Variants in HDAC9 observed in about 807,000 individuals in gnomAD.
HDAC9 encodes the protein MEF-2 interacting transcription repressor (MITR) protein.
HDAC9 carries 41 observed loss-of-function variants against 139.4 expected under a neutral mutation model. That is an observed-to-expected ratio of 0.29 (90% confidence interval 0.23 to 0.38). HDAC9 has a LOEUF of 0.38. Ranked by LOEUF, HDAC9 falls within the 10% of genes least tolerant of loss-of-function variation. The pLI, the probability that HDAC9 is intolerant of heterozygous loss-of-function variation, is 1.00. For synonymous variants in HDAC9, 517 were observed against 476.2 expected, an observed-to-expected ratio of 1.09 and a Z score of -1.12; for missense variants, 1,147 against 1,297.0, an observed-to-expected ratio of 0.88 and a Z score of 1.78.
chr7:18,490,193 A>G (rs895283626), intron 1 of HDAC9, among the ~76,000 whole-genome samples: 1 of 152,054 alleles, frequency 6.6e-6, no homozygotes, highest in African/African-American at 2.4e-5. Context: ...ATGGTTCTCA[A>G]ACTTTATTGT....
intron 16 of HDAC9, among the ~76,000 whole-genome samples, chr7:18,767,832 G>T (rs1374529614): frequency 2.6e-5 from 4 of 152,136 alleles, no homozygotes; most frequent in African/African-American, 4.8e-5. Flanking sequence ...GTAGAACTAA[G>T]TGTTATGTTA....
intron 1 of HDAC9, among the ~76,000 whole-genome samples, chr7:18,154,104 A>G (rs1786992815): frequency 6.6e-6 from 1 of 152,184 alleles, no homozygotes; most frequent in African/African-American, 2.4e-5. Flanking sequence ...AATAGACTTC[A>G]TGCTTCCCTT....
chr7:18,476,560 A>G (rs144813224), intron 1 of HDAC9, among the ~76,000 whole-genome samples: 1,976 of 152,004 alleles, frequency 0.013, 24 homozygotes, highest in Non-Finnish European at 0.017. Flanking sequence ...CAAACCCAAC[A>G]TGACGTAAGT....
At chr7:18,270,231 C>T (rs576711459) in intron 2 of HDAC9, among the ~76,000 whole-genome samples, 65 of 151,534 alleles carry the variant, frequency 4.3e-4, no homozygotes, top group African/African-American at 1.5e-3. Context: ...TCTGTGTATC[C>T]TCAGTGGGAT....
chr7:18,860,074 C>G (rs192365345), intron 21 of HDAC9, among the ~76,000 whole-genome samples: 1 of 151,460 alleles, frequency 6.6e-6, no homozygotes, highest in Non-Finnish European at 1.5e-5. Context: ...ACACACTGCA[C>G]CCCACCGAAA....
chr7:18,837,006 G>A (rs2129211939), intron 21 of HDAC9, among the ~76,000 whole-genome samples: 1 of 152,082 alleles, frequency 6.6e-6, no homozygotes, highest in South Asian at 2.1e-4. Flanking sequence ...TTTAATTAAT[G>A]AAGTTTTGGT....
intron 16 of HDAC9, among the ~76,000 whole-genome samples, chr7:18,773,483 A>G (rs1206228403): frequency 6.6e-6 from 1 of 151,976 alleles, no homozygotes; most frequent in Non-Finnish European, 1.5e-5. Flanking sequence ...TTGAGACAAG[A>G]AGAAATTCAG....
At chr7:18,487,766 C>G (rs978430412) in intron 1 of HDAC9, among the ~76,000 whole-genome samples, 1 of 152,042 alleles carries the variant, frequency 6.6e-6, no homozygotes, top group Admixed American at 6.6e-5. Flanking sequence ...CAGAGGCTAG[C>G]TTTCTAGAAT....
chr7:18,446,701 C>T (rs568329680), intron 1 of HDAC9, among the ~76,000 whole-genome samples: 9 of 151,860 alleles, frequency 5.9e-5, no homozygotes, highest in African/African-American at 1.4e-4. Context: ...TTTGTGTGTG[C>T]GTAGATGTAG....
intron 12 of HDAC9, chr7:18,666,873 C>T (rs1795022246): frequency 4.9e-6 from 5 of 1,014,578 alleles, no homozygotes; most frequent in Non-Finnish European, 5.9e-6. Flanking sequence ...GATAGTCTCC[C>T]AGTCTGATCA....
intron 12 of HDAC9, among the ~76,000 whole-genome samples, chr7:18,673,880 T>G (rs895438603): frequency 4.6e-5 from 7 of 152,056 alleles, no homozygotes. Context: ...ATCCTTCTCC[T>G]TTACCTTAAA....
chr7:18,892,557 T>G (rs1046736533), intron 22 of HDAC9: 1 of 152,140 alleles, frequency 6.6e-6, no homozygotes, highest in African/African-American at 2.4e-5. Context: ...TCTCTGTCCT[T>G]ACCGCTATTC....
intron 2 of HDAC9, among the ~76,000 whole-genome samples, chr7:18,530,147 C>T (rs111717383): frequency 6.6e-6 from 1 of 151,780 alleles, no homozygotes; most frequent in Non-Finnish European, 1.5e-5. Flanking sequence ...AAAAAATAAG[C>T]CAGGCATGGT....
chr7:18,134,454 C>A (rs1785249911), intron 1 of HDAC9, among the ~76,000 whole-genome samples: 1 of 152,104 alleles, frequency 6.6e-6, no homozygotes, highest in African/African-American at 2.4e-5. Flanking sequence ...CTGTCATTAT[C>A]AAAATTCATG....
At chr7:18,624,726 A>T (rs1032261433) in intron 6 of HDAC9, among the ~76,000 whole-genome samples, 1 of 151,786 alleles carries the variant, frequency 6.6e-6, no homozygotes, top group Non-Finnish European at 1.5e-5. Context: ...GAGTCAGCAC[A>T]CTAGGCCATT....
intron 1 of HDAC9, among the ~76,000 whole-genome samples, chr7:18,356,368 T>TG (rs1585339336): frequency 2.8e-5 from 4 of 142,526 alleles, no homozygotes; most frequent in East Asian, 2.1e-4. Flanking sequence ...GTTTTTTTTT[T>TG]TTTTTTTTTT....
intron 1 of HDAC9, among the ~76,000 whole-genome samples, chr7:18,325,020 T>C (rs940153995): frequency 5.3e-5 from 8 of 152,224 alleles, no homozygotes; most frequent in Admixed American, 5.2e-4. Context: ...ATAGAGCTTA[T>C]TGAATATCTA....
At chr7:18,636,392 C>T (rs1765823754) in intron 8 of HDAC9, among the ~76,000 whole-genome samples, 1 of 132,124 alleles carries the variant, frequency 7.6e-6, no homozygotes, top group African/African-American at 2.8e-5. Flanking sequence ...GATCTGTAGC[C>T]CAAATCATAT....
At chr7:18,808,916 A>G (rs1793949917) in intron 17 of HDAC9, among the ~76,000 whole-genome samples, 1 of 152,116 alleles carries the variant, frequency 6.6e-6, no homozygotes, top group Non-Finnish European at 1.5e-5. Context: ...AGATGAAGAC[A>G]TCACACTTCT....
Sources: gnomAD v4.1 joint callset for allele counts (sites outside exome capture counted in the v4.1 genomes callset) on GRCh38, gnomAD v4.1.1 for gene constraint, MANE v1.5 for transcripts, NCBI Gene and HGNC (gene_info 2026-07-23, HGNC 2026-07-21) for gene names.